RASSF8: variants seen among roughly 807,000 people sequenced by gnomAD.
RASSF8 encodes ras association domain-containing protein 8.
Under a neutral mutation model 48.5 loss-of-function variants are expected in RASSF8, and 22 were observed. The observed-to-expected ratio is 0.45, with a 90% CI of 0.32 to 0.65. The LOEUF is 0.65. Among genes scored for constraint, RASSF8 ranks in the 30% least tolerant of loss-of-function variants. The probability of loss-of-function intolerance (pLI) is 0.03; values close to 1 mark genes in which losing one functional copy is unlikely to be tolerated. For missense variants in RASSF8, 418 were observed against 489.2 expected, an observed-to-expected ratio of 0.85 and a Z score of 1.37; for synonymous variants, 127 against 171.5, an observed-to-expected ratio of 0.74 and a Z score of 2.03.
At chr12:26,026,039 AAACTTAGGCAT>A (rs1942905699) in intron 2 of RASSF8, among the ~76,000 whole-genome samples, 1 of 152,194 alleles carries the variant, frequency 6.6e-6, no homozygotes, top group African/African-American at 2.4e-5. Flanking sequence ...TCATAGACGT[AAACTTAGGCAT>A]AAATCCTCTT....
At chr12:25,967,104 C>G (rs1170980886) in intron 1 of RASSF8, among the ~76,000 whole-genome samples, 1 of 152,190 alleles carries the variant, frequency 6.6e-6, no homozygotes, top group Non-Finnish European at 1.5e-5. Flanking sequence ...AGTTGATATA[C>G]ACATGGTATT....
intron 3 of RASSF8, among the ~76,000 whole-genome samples, chr12:26,059,563 C>G (rs1373999740): frequency 2.6e-5 from 4 of 152,016 alleles, no homozygotes; most frequent in Non-Finnish European, 2.9e-5. Context: ...AAAAATTATA[C>G]TCTTCATATG....
chr12:26,077,529 C>G (rs961577707), downstream of RASSF8, among the ~76,000 whole-genome samples: 3 of 152,096 alleles, frequency 2.0e-5, no homozygotes, highest in Non-Finnish European at 4.4e-5. Flanking sequence ...AATCCTTTCC[C>G]CATTTCTTTT....
intron 2 of RASSF8, among the ~76,000 whole-genome samples, chr12:26,014,147 A>G (rs1250289399): frequency 6.6e-6 from 1 of 152,234 alleles, no homozygotes; most frequent in African/African-American, 2.4e-5. Flanking sequence ...TGACTTGCCA[A>G]GTGGGTGCTC....
chr12:25,988,592 C>CT (rs2136936804), intron 1 of RASSF8, among the ~76,000 whole-genome samples: 1 of 152,228 alleles, frequency 6.6e-6, no homozygotes, highest in Non-Finnish European at 1.5e-5. Flanking sequence ...GAAAATAGCC[C>CT]TCTCCCTCAT....
chr12:25,962,489 T>C (rs752585670), intron 1 of RASSF8, among the ~76,000 whole-genome samples: 1 of 152,236 alleles, frequency 6.6e-6, no homozygotes, highest in Non-Finnish European at 1.5e-5. Context: ...TAGGTTAATA[T>C]GAAGTTGATA....
intron 1 of RASSF8, among the ~76,000 whole-genome samples, chr12:25,980,312 T>A (rs542528811): frequency 4.6e-4 from 70 of 152,352 alleles, no homozygotes; most frequent in Admixed American, 3.6e-3. Flanking sequence ...CTTTCCGTAA[T>A]CTATTCTAAG....
chr12:26,055,397 T>A lies in RASSF8; in HGVS notation c.54T>A (p.Thr18=). The A allele has an allele frequency of 1.9e-6, 3 of 1,614,160 alleles. No individual in the cohort carries two copies. Among genetic ancestry groups the A allele is most frequent in the Non-Finnish European group, 2.5e-6 (3 of 1,179,978 alleles). ...TTCAGAGGATTGTTTGTGGAGTCACTGAAGTCACAACTTGCCAGGAGGTTG... is the reference window on the plus strand; with the variant it reads ...TTCAGAGGATTGTTTGTGGAGTCACAGAAGTCACAACTTGCCAGGAGGTTG... ...DGVQRIVCGV[T]EVTTCQEVVI... is the part of the protein sequence containing the mutation. The change falls in exon 3 of 6, where the codon ACT becomes ACA. Residue 18 remains threonine (T), a synonymous_variant. Transcript: ENST00000689635.
chr12:26,072,399 T>G lies in RASSF8; in HGVS notation c.*3581T>G. The G allele has an allele frequency of 2.0e-6, 2 of 983,938 alleles. No homozygotes were observed. Among genetic ancestry groups the G allele is most frequent in the Non-Finnish European group, 2.4e-6 (2 of 828,572 alleles). 61.0% of individuals were successfully genotyped at this position (983,938 alleles called of 1,614,324 possible). A position where few individuals can be genotyped will look rare whatever the true frequency, so the allele number is the denominator to read the frequency against. On this transcript the variant is annotated 3_prime_UTR_variant, in exon 6 of 6. Coordinates refer to ENST00000689635, the MANE Select transcript of RASSF8 (RefSeq NM_001394098.1). ...TTTCGATGCCAGGACAGTGACTGCC[T>G]GAAAGCTGCAGGAGCTCTTTTCAAT...
At chr12:26,050,382 C>T (rs1035432400) in intron 2 of RASSF8, among the ~76,000 whole-genome samples, 2 of 152,106 alleles carry the variant, frequency 1.3e-5, no homozygotes, top group African/African-American at 4.8e-5. Flanking sequence ...ACTTCTGTCC[C>T]AGACCTAACT....
chr12:25,981,144 T>G (rs2634179), intron 1 of RASSF8, among the ~76,000 whole-genome samples: 137,138 of 151,964 alleles, frequency 0.9, 61,955 homozygotes, highest in East Asian at 0.99. Context: ...GATGATTGTT[T>G]TGTTGAACCC....
chr12:26,043,833 T>TG (rs1336031640), intron 2 of RASSF8, among the ~76,000 whole-genome samples: 1 of 152,152 alleles, frequency 6.6e-6, no homozygotes, highest in Non-Finnish European at 1.5e-5. Flanking sequence ...ACATTACATA[T>TG]GATGCAGTCC....
At chr12:25,966,456 C>G (rs1463083007) in intron 1 of RASSF8, among the ~76,000 whole-genome samples, 2 of 152,236 alleles carry the variant, frequency 1.3e-5, no homozygotes, top group Non-Finnish European at 1.5e-5. Flanking sequence ...GCAGTCCTCC[C>G]ACCTTGGCCT....
At chr12:25,980,007 C>T (rs1362238536) in intron 1 of RASSF8, among the ~76,000 whole-genome samples, 2 of 152,132 alleles carry the variant, frequency 1.3e-5, no homozygotes, top group Non-Finnish European at 2.9e-5. Flanking sequence ...AATAGAGGTT[C>T]ACAGTGACAA....
At chr12:26,060,267 C>CATGAT (rs1390164076) in intron 3 of RASSF8, among the ~76,000 whole-genome samples, 1 of 152,132 alleles carries the variant, frequency 6.6e-6, no homozygotes, top group Non-Finnish European at 1.5e-5. Context: ...TCTGTGATTA[C>CATGAT]ATGATATACA....
At chr12:25,959,354 C>T (rs759877839) in intron 1 of RASSF8, 2 of 152,374 alleles carry the variant, frequency 1.3e-5, no homozygotes, top group Non-Finnish European at 2.9e-5. Context: ...CTTTGCGCCT[C>T]TCCTCGCGGC....
chr12:25,969,568 G>T (rs763236262), intron 1 of RASSF8, among the ~76,000 whole-genome samples: 11 of 152,170 alleles, frequency 7.2e-5, no homozygotes, highest in Non-Finnish European at 1.0e-4. Flanking sequence ...ATCCGTGCAA[G>T]GGATGGCTTA....
chr12:26,065,916 C>G (rs1943863477), intron 4 of RASSF8, among the ~76,000 whole-genome samples: 1 of 152,170 alleles, frequency 6.6e-6, no homozygotes, highest in East Asian at 1.9e-4. Context: ...ACGAGAAGTT[C>G]TATTTTGCCA....
intron 2 of RASSF8, among the ~76,000 whole-genome samples, chr12:26,000,476 T>G (rs1013562610): frequency 6.6e-6 from 1 of 152,188 alleles, no homozygotes. Context: ...TTCAAATTTT[T>G]TTCTTTCTAT....
Sources: gnomAD v4.1 joint callset for allele counts (sites outside exome capture counted in the v4.1 genomes callset) on GRCh38, gnomAD v4.1.1 for gene constraint, MANE v1.5 for transcripts, NCBI Gene and HGNC (gene_info 2026-07-23, HGNC 2026-07-21) for gene names.